PCDH10: variants seen among roughly 807,000 people sequenced by gnomAD.
The protein encoded by PCDH10 is protocadherin-10.
Under a neutral mutation model 74.4 loss-of-function variants are expected in PCDH10, and 15 were observed. That is an observed-to-expected ratio of 0.20 (90% CI 0.13 to 0.31). PCDH10 has a LOEUF of 0.31. Ranked by LOEUF, PCDH10 falls within the 10% of genes least tolerant of loss-of-function variation. The pLI is 1.00. For missense variants in PCDH10, 1,260 were observed against 1,390.2 expected (o/e 0.91, Z 1.49); for synonymous variants, 619 against 589.8 (o/e 1.05, Z -0.72).
chr4:133,206,219 T>A (rs1434474730), intron 2 of PCDH10, among the ~76,000 whole-genome samples: 6 of 151,956 alleles, frequency 3.9e-5, no homozygotes, highest in African/African-American at 1.4e-4. Context: ...GAAAACTAAT[T>A]GGGAAAAAAA....
At chr4:133,156,712 G>A (rs542466429) in intron 3 of PCDH10, among the ~76,000 whole-genome samples, 20 of 152,000 alleles carry the variant, frequency 1.3e-4, no homozygotes, top group Non-Finnish European at 2.2e-4. Context: ...CACCCCACAC[G>A]CCCCGCTTTG....
chr4:133,199,793 T>C (rs887020109), intron 2 of PCDH10, among the ~76,000 whole-genome samples: 65 of 146,906 alleles, frequency 4.4e-4, no homozygotes, highest in African/African-American at 1.6e-3. Flanking sequence ...ATTACTATTA[T>C]TATTATTATT....
chr4:133,199,295 TA>T (rs1470328178), downstream of PCDH10, among the ~76,000 whole-genome samples: 1 of 124,556 alleles, frequency 8.0e-6, no homozygotes, highest in Non-Finnish European at 1.8e-5. Context: ...CTCAAAATAA[TA>T]ATAATAATAA....
chr4:133,198,927 A>AATG (rs72518973), downstream of PCDH10, among the ~76,000 whole-genome samples: 4 of 151,450 alleles, frequency 2.6e-5, no homozygotes, highest in Non-Finnish European at 5.9e-5. Flanking sequence ...TCCTAGATAT[A>AATG]ACAATAAAAG....
chr4:133,150,884 C>T lies in PCDH10; in HGVS notation c.744C>T (p.Pro248=), dbSNP rs781420676. Residue 248 remains proline (P), a synonymous_variant, in exon 1 of 5, where the codon CCC becomes CCT. Coordinates refer to ENST00000264360, the MANE Select transcript of PCDH10 (RefSeq NM_032961.3). ...IRVLDSNDNV[P]AFDQPVYTVS... ...TGCTGGACTCCAATGACAATGTGCC[C>T]GCTTTCGACCAACCCGTCTACACTG... The T allele has an allele frequency of 2.2e-5, 35 of 1,611,292 alleles. No individual in the cohort carries two copies. The highest frequency in any genetic ancestry group is 3.3e-5 in the Admixed American group (2 of 59,932).
chr4:133,151,925 G>T lies in PCDH10; in HGVS notation c.1785G>T (p.Glu595Asp), dbSNP rs371002342. ...PAREVLPRSAEPGYLLTRVAA... is the reference protein window; with the variant it reads ...PAREVLPRSADPGYLLTRVAA... Reference sequence around the variant, plus strand: ...GTGAGGTGCTGCCCCGCTCGGCGGAGCCGGGTTACCTGCTCACCCGCGTGG... The same window carrying T: ...GTGAGGTGCTGCCCCGCTCGGCGGATCCGGGTTACCTGCTCACCCGCGTGG... Residue 595 changes from glutamate (E) to aspartate (D), a missense_variant, in exon 1 of 5, where the codon GAG becomes GAT. By Grantham distance (45) the Glu-to-Asp change is conservative (BLOSUM62 2). Coordinates refer to ENST00000264360, the MANE Select transcript of PCDH10 (RefSeq NM_032961.3). 7 of 1,612,146 alleles carry T rather than the reference G, an allele frequency of 4.3e-6. No homozygotes were observed. Among genetic ancestry groups the T allele is most frequent in the Non-Finnish European group, 4.2e-6 (5 of 1,179,624 alleles).
At position 133,151,720 on chromosome 4, in the gene PCDH10, C is replaced by T. The variant is rs1364733484; in HGVS notation, c.1580C>T (p.Ala527Val). The T allele has an allele frequency of 6.2e-7, 1 of 1,613,228 alleles. No individual in the cohort carries two copies. The highest frequency in any genetic ancestry group is 1.3e-5 in the African/African-American group (1 of 75,068). Reference sequence around the variant, plus strand: ...AACTCTGAGAACGGCTACTTGTACGCCCTGCGCTCCTTCGACTATGAGCAG... The same window carrying T: ...AACTCTGAGAACGGCTACTTGTACGTCCTGCGCTCCTTCGACTATGAGCAG... The part of the protein sequence containing the change: ...SINSENGYLY[A>V]LRSFDYEQLK... The change falls in exon 1 of 5, where the codon GCC becomes GTC. Residue 527 changes from alanine to valine, a missense_variant. This residue lies in a region of PCDH10 where 587 missense variants were observed against 616.9 expected (regional missense o/e 0.95). Transcript: ENST00000264360.
At chr4:133,198,292 C>T (rs1727833616), downstream of PCDH10, among the ~76,000 whole-genome samples, 1 of 151,804 alleles carries the variant, frequency 6.6e-6, no homozygotes, top group Non-Finnish European at 1.5e-5. Context: ...ATATACCAAA[C>T]AAAATTGAAT....
At chr4:133,202,274 A>G (rs1483741844) in intron 2 of PCDH10, among the ~76,000 whole-genome samples, 3 of 152,136 alleles carry the variant, frequency 2.0e-5, no homozygotes, top group South Asian at 2.1e-4. Flanking sequence ...ACTAATCTAT[A>G]CCTATGGCAA....
chr4:133,171,378 A>G (rs1727200717), intron 4 of PCDH10, among the ~76,000 whole-genome samples: 1 of 152,198 alleles, frequency 6.6e-6, no homozygotes, highest in East Asian at 1.9e-4. Flanking sequence ...TTCTTTAAAC[A>G]AGACATAAGC....
chr4:133,173,000 A>G (rs1021431187), intron 4 of PCDH10, among the ~76,000 whole-genome samples: 5 of 152,004 alleles, frequency 3.3e-5, no homozygotes, highest in African/African-American at 1.2e-4. Context: ...TTATTGATTG[A>G]AACTTAATCC....
Position 133,191,363 on chromosome 4 carries a change from A to T in PCDH10, c.*1203A>T, listed in dbSNP as rs2125874260. ...TATAGAAACATCTGAACTGGTAAAG[A>T]ATAACTATAAAATATGAAAGCTCTA... is the stretch of plus-strand genomic sequence containing the variant. On this transcript the variant is annotated 3_prime_UTR_variant, in exon 5 of 5. Transcript: ENST00000264360. The T allele has an allele frequency of 6.6e-6, 1 of 152,372 alleles. No homozygotes were observed. The highest frequency in any genetic ancestry group is 1.5e-5 in the Non-Finnish European group (1 of 67,798). The allele number at this position is 152,372 out of a possible 1,614,324, so 9.4% of individuals were successfully genotyped here.
chr4:133,195,809 T>C (rs1727784098), downstream of PCDH10, among the ~76,000 whole-genome samples: 1 of 152,116 alleles, frequency 6.6e-6, no homozygotes, highest in Non-Finnish European at 1.5e-5. Flanking sequence ...AAATGGTTCT[T>C]TGTGAAACTT....
chr4:133,191,424 A>C lies in PCDH10; in HGVS notation c.*1264A>C, dbSNP rs1239866146. ...AAATTTAGAGATAGAATCATGGTAC[A>C]TTATTGTTTCAGTATTCCATGTGAA... On this transcript the variant is annotated 3_prime_UTR_variant, in exon 5 of 5. Coordinates refer to ENST00000264360, the MANE Select transcript of PCDH10 (RefSeq NM_032961.3). 4 of 152,208 alleles carry C rather than the reference A, an allele frequency of 2.6e-5. No homozygotes were observed. Among genetic ancestry groups the C allele is most frequent in the African/African-American group, 9.7e-5 (4 of 41,440 alleles). 9.4% of individuals were successfully genotyped at this position (152,208 alleles called of 1,614,324 possible).
At chr4:133,157,059 T>C (rs1726882126) in intron 3 of PCDH10, among the ~76,000 whole-genome samples, 1 of 152,228 alleles carries the variant, frequency 6.6e-6, no homozygotes, top group African/African-American at 2.4e-5. Flanking sequence ...TTTTTTTGTA[T>C]CTTTAAGTTC....
At chr4:133,159,102 A>G (rs964628345) in intron 3 of PCDH10, among the ~76,000 whole-genome samples, 1 of 152,072 alleles carries the variant, frequency 6.6e-6, no homozygotes, top group African/African-American at 2.4e-5. Context: ...AAAGTTTTAT[A>G]TCTTCTTTAA....
chr4:133,193,911 A>G lies in PCDH10; in HGVS notation c.*3751A>G, dbSNP rs978408534. On this transcript the variant is annotated 3_prime_UTR_variant, in exon 5 of 5. Coordinates refer to ENST00000264360, the MANE Select transcript of PCDH10 (RefSeq NM_032961.3). Reference sequence around the variant, plus strand: ...AACAAGGAAAAACAGAAAATAATGGAATTCCATATTTTTTACACCATGGAG... The same window carrying G: ...AACAAGGAAAAACAGAAAATAATGGGATTCCATATTTTTTACACCATGGAG... The G allele has an allele frequency of 2.0e-5, 3 of 151,736 alleles. No individual in the cohort carries two copies. The highest frequency in any genetic ancestry group is 7.2e-5 in the African/African-American group (3 of 41,418). The allele number at this position is 151,736 out of a possible 1,614,324, so 9.4% of individuals were successfully genotyped here.
chr4:133,184,767 TATATAAATATATATATAA>T (rs1466704855), intron 4 of PCDH10, among the ~76,000 whole-genome samples: 3 of 47,858 alleles, frequency 6.3e-5, no homozygotes, highest in Non-Finnish European at 1.2e-4. Flanking sequence ...TATGTGTAAA[TATATAAATATATATATAA>T]ATATATATAT....
rs1224667297 is a variant in PCDH10 at position 133,191,813 on chromosome 4, T to A, written c.*1653T>A. The A allele has an allele frequency of 1.3e-5, 2 of 151,688 alleles. No individual in the cohort carries two copies. Among genetic ancestry groups the A allele is most frequent in the Non-Finnish European group, 3.0e-5 (2 of 67,694 alleles). The allele number at this position is 151,688 out of a possible 1,614,324, so 9.4% of individuals were successfully genotyped here. A position where few individuals can be genotyped will look rare whatever the true frequency, so the allele number is the denominator to read the frequency against. On this transcript the variant is annotated 3_prime_UTR_variant, in exon 5 of 5. Transcript: ENST00000264360. ...CTGTTTTGAAATACTTTCCTTAATTTTTAACTGATCTTATATTCAATGACA... is the reference window on the plus strand; with the variant it reads ...CTGTTTTGAAATACTTTCCTTAATTATTAACTGATCTTATATTCAATGACA...
Sources: gnomAD v4.1 joint callset for allele counts (sites outside exome capture counted in the v4.1 genomes callset) on GRCh38, gnomAD v4.1.1 for gene constraint, gnomAD v4.1.1 regional missense constraint, MANE v1.5 for transcripts, NCBI Gene and HGNC (gene_info 2026-07-23, HGNC 2026-07-21) for gene names.